The following LAMA3 variants were observed in gnomAD, a reference collection of about 807,000 sequenced individuals.
LAMA3 encodes the protein laminin subunit alpha 3.
A neutral mutation model predicts 402.0 loss-of-function variants in LAMA3; 281 were observed. That is an observed-to-expected ratio of 0.70 (90% CI 0.63 to 0.77). The LOEUF is 0.77. Ranked by LOEUF, LAMA3 falls within the 30% of genes least tolerant of loss-of-function variation. The pLI is 0.00. For missense variants in LAMA3, 3,840 were observed against 4,215.5 expected (o/e 0.91, Z 2.47); for synonymous variants, 1,431 against 1,558.4 (o/e 0.92, Z 1.93).
chr18:23,861,914 C>T, intron 35 of LAMA3, 107 bp downstream of exon 35: 1 of 1,253,398 alleles, frequency 8.0e-7, no homozygotes, highest in Non-Finnish European at 1.1e-6. Context: ...GTTCAGGTTA[C>T]TAACGTTCCA....
At chr18:23,772,434 A>G (rs2062221304) in intron 8 of LAMA3, among the ~76,000 whole-genome samples, 1 of 152,210 alleles carries the variant, frequency 6.6e-6, no homozygotes, top group Non-Finnish European at 1.5e-5. Context: ...TGTCTATGGT[A>G]AGAAACAGTG....
chr18:23,905,333 G>A (rs1243208657), intron 51 of LAMA3, among the ~76,000 whole-genome samples, 189 bp from the exon 52 acceptor site: 1 of 152,120 alleles, frequency 6.6e-6, no homozygotes, highest in Non-Finnish European at 1.5e-5. Context: ...ACCTCCCCAA[G>A]CCACATAATT....
chr18:23,903,078 T>C lies in LAMA3; in HGVS notation c.6271T>C (p.Leu2091=), dbSNP rs1200107463. The change falls in exon 49 of 75, where the codon TTG becomes CTG. Residue 2091 remains leucine, a synonymous_variant. Transcript: ENST00000313654. ...GTATCTAACCACTGCAGACTCATCT[T>C]TGTTGCAAACCAACATTGCGCTGCA... is the stretch of plus-strand genomic sequence containing the variant. ...TKYLTTADSS[L]LQTNIALQLM... is the part of the protein sequence containing the mutation. 3 of 1,613,420 alleles carry C rather than the reference T, an allele frequency of 1.9e-6. No homozygotes were observed. The highest frequency in any genetic ancestry group is 2.5e-6 in the Non-Finnish European group (3 of 1,179,566).
At chr18:23,808,972 A>G (rs1232965144) in intron 12 of LAMA3, among the ~76,000 whole-genome samples, 2 of 152,314 alleles carry the variant, frequency 1.3e-5, no homozygotes, top group East Asian at 3.9e-4. Flanking sequence ...ACAAGGTTGT[A>G]TCTTTTACTG....
Position 23,946,247 on chromosome 18 carries a change from C to T in LAMA3, c.9314C>T (p.Pro3105Leu). Residue 3105 changes from proline (P) to leucine (L), a missense_variant, in exon 70 of 75, where the codon CCA (proline) becomes CTA (leucine). Coordinates refer to ENST00000313654, the MANE Select transcript of LAMA3 (RefSeq NM_198129.4). ...PGNSTISIRA[P>L]VYLGSPPSGK... is the part of the protein sequence containing the mutation. Reference sequence around the variant, plus strand: ...AACTCCACCATCAGCATCAGAGCGCCAGTTTACCTGGGATCACCTCCATCA... The same window carrying T: ...AACTCCACCATCAGCATCAGAGCGCTAGTTTACCTGGGATCACCTCCATCA... 6.2e-7 allele frequency: 1 copy of T among 1,614,074 alleles called. No homozygotes were observed. The highest frequency in any genetic ancestry group is 8.5e-7 in the Non-Finnish European group (1 of 1,180,006).
intron 38 of LAMA3, among the ~76,000 whole-genome samples, chr18:23,873,878 T>G (rs1396083973): frequency 6.6e-6 from 1 of 152,222 alleles, no homozygotes; most frequent in Non-Finnish European, 1.5e-5. Flanking sequence ...ATAAAACCCC[T>G]GTATTGAAAT....
At chr18:23,795,938 G>C (rs942286801) in intron 12 of LAMA3, 1 of 269,100 alleles carries the variant, frequency 3.7e-6, no homozygotes, top group Non-Finnish European at 7.6e-6. Flanking sequence ...TAAGGGTGGA[G>C]CCCTGATCTG....
At chr18:23,694,022 T>G (rs1289664098) in intron 1 of LAMA3, among the ~76,000 whole-genome samples, 1 of 152,160 alleles carries the variant, frequency 6.6e-6, no homozygotes, top group African/African-American at 2.4e-5. Context: ...AATAAAGAAC[T>G]GTTTGAATGA....
intron 52 of LAMA3, 25 bp downstream of exon 52, chr18:23,905,649 A>G: frequency 7.5e-7 from 1 of 1,331,996 alleles, no homozygotes; most frequent in Non-Finnish European, 1.1e-6. Context: ...GGGCAATGGC[A>G]GGGATAGTCA....
chr18:23,851,743 AC>A (rs2063950351), intron 32 of LAMA3, among the ~76,000 whole-genome samples: 1 of 151,930 alleles, frequency 6.6e-6, no homozygotes, highest in Non-Finnish European at 1.5e-5. Context: ...ATCCTATTCC[AC>A]CTTTATTGCA....
intron 67 of LAMA3, among the ~76,000 whole-genome samples, chr18:23,938,755 G>A (rs1304987310): frequency 1.3e-5 from 2 of 152,130 alleles, no homozygotes; most frequent in East Asian, 1.9e-4. Context: ...ACTGGTCCCA[G>A]GTGCGGCAGC....
chr18:23,713,747 C>G (rs939474490), intron 1 of LAMA3, among the ~76,000 whole-genome samples, 173 bp from the exon 2 acceptor site: 7 of 152,080 alleles, frequency 4.6e-5, no homozygotes, highest in African/African-American at 1.7e-4. Context: ...AAAGAGAAAG[C>G]CTTACTACTG....
At chr18:23,937,194 C>T (rs1457668477) in intron 67 of LAMA3, among the ~76,000 whole-genome samples, 4 of 151,740 alleles carry the variant, frequency 2.6e-5, no homozygotes, top group Admixed American at 6.6e-5. Flanking sequence ...GGTGAAACCC[C>T]GTCTCTACTT....
chr18:23,713,270 G>A (rs928916417), intron 1 of LAMA3, among the ~76,000 whole-genome samples: 3 of 152,134 alleles, frequency 2.0e-5, no homozygotes, highest in African/African-American at 7.2e-5. Context: ...AAGACCAGCC[G>A]GCCCCTGTGC....
chr18:23,767,578 CT>C (rs71163640), intron 8 of LAMA3, among the ~76,000 whole-genome samples: 26 of 125,774 alleles, frequency 2.1e-4, no homozygotes, highest in African/African-American at 3.3e-4. Context: ...TCTTTCTTTT[CT>C]TTTTTTTTTT....
chr18:23,943,913 A>T lies in LAMA3; in HGVS notation c.9152A>T (p.Asp3051Val). 1 of 1,614,112 alleles carries T rather than the reference A, an allele frequency of 6.2e-7. No individual in the cohort carries two copies. The highest frequency in any genetic ancestry group is 8.5e-7 in the Non-Finnish European group (1 of 1,179,968). ...KGRLVFALGTDGKKLRIKSKE... is the reference protein window; with the variant it reads ...KGRLVFALGTVGKKLRIKSKE... ...CGTCTGGTCTTTGCACTGGGGACAG[A>T]TGGGAAAAAATTGAGGATCAAAAGC... The change falls in exon 69 of 75, where the codon GAT becomes GTT. Residue 3051 changes from aspartate (D) to valine (V), a missense_variant. Coordinates refer to ENST00000313654, the MANE Select transcript of LAMA3 (RefSeq NM_198129.4).
At chr18:23,816,937 T>C (rs2144351749) in intron 18 of LAMA3, among the ~76,000 whole-genome samples, 1 of 151,914 alleles carries the variant, frequency 6.6e-6, no homozygotes, top group East Asian at 1.9e-4. Flanking sequence ...CATACCCAGG[T>C]GCTTGGGTCA....
intron 2 of LAMA3, among the ~76,000 whole-genome samples, chr18:23,728,825 G>A (rs1380591120): frequency 6.6e-6 from 1 of 152,050 alleles, no homozygotes; most frequent in East Asian, 1.9e-4. Context: ...GAAGTCAGGA[G>A]TTCGAGACCA....
At chr18:23,844,039 C>T (rs187378792) in intron 29 of LAMA3, among the ~76,000 whole-genome samples, 3 of 152,326 alleles carry the variant, frequency 2.0e-5, no homozygotes, top group Admixed American at 2.0e-4. Flanking sequence ...GAGTGAGCCT[C>T]CTCCTCTCTG....
Sources: gnomAD v4.1 joint callset for allele counts (sites outside exome capture counted in the v4.1 genomes callset) on GRCh38, gnomAD v4.1.1 for gene constraint, MANE v1.5 for transcripts, NCBI Gene and HGNC (gene_info 2026-07-23, HGNC 2026-07-21) for gene names.